The following SPHKAP variants were observed in gnomAD, a reference collection of about 807,000 sequenced individuals.
The protein encoded by SPHKAP is SPHK1 interactor, AKAP domain containing.
A neutral mutation model predicts 137.5 loss-of-function variants in SPHKAP; 67 were observed. That is an observed-to-expected ratio of 0.49 (90% confidence interval 0.40 to 0.60). The LOEUF is 0.60. Among genes scored for constraint, SPHKAP ranks in the 20% least tolerant of loss-of-function variants. The pLI is 0.00. For missense variants in SPHKAP, 2,097 were observed against 2,069.3 expected, an observed-to-expected ratio of 1.01 and a Z score of -0.26; for synonymous variants, 813 against 785.3, an observed-to-expected ratio of 1.04 and a Z score of -0.59.
chr2:228,042,540 T>C (rs1184023138), intron 3 of SPHKAP, among the ~76,000 whole-genome samples: 3 of 152,146 alleles, frequency 2.0e-5, no homozygotes, highest in African/African-American at 7.2e-5. Flanking sequence ...TAGGCAACTA[T>C]TAATCTACTT....
chr2:228,127,238 C>G (rs191900792), intron 2 of SPHKAP, among the ~76,000 whole-genome samples: 62 of 152,306 alleles, frequency 4.1e-4, no homozygotes, highest in African/African-American at 1.4e-3. Context: ...ATTTAACACA[C>G]AGACCTTCAC....
In SPHKAP at chr2:228,016,641, T is replaced by C. The variant is rs1406939200; in HGVS notation, c.4213A>G (p.Thr1405Ala). ...NHSPLDSKKE[T>A]SSCQDPVPIN... ...GGTACAGGGTCCTGGCACGAGGAAG[T>C]TTCTTTTTTAGAATCTAAAGGGCTG... The change falls in exon 7 of 12, where the codon ACT (threonine) becomes GCT (alanine). Residue 1405 changes from threonine (T) to alanine (A), a missense_variant. Coordinates refer to ENST00000392056, the MANE Select transcript of SPHKAP (RefSeq NM_001142644.2). The C allele has an allele frequency of 1.9e-6, 3 of 1,613,620 alleles. No individual in the cohort carries two copies. Among genetic ancestry groups the C allele is most frequent in the Non-Finnish European group, 2.5e-6 (3 of 1,179,914 alleles).
At chr2:228,045,664 G>A (rs1392547158) in intron 3 of SPHKAP, among the ~76,000 whole-genome samples, 1 of 151,572 alleles carries the variant, frequency 6.6e-6, no homozygotes, top group Non-Finnish European at 1.5e-5. Context: ...CGAGTTAATG[G>A]GTGCAGCACA....
chr2:228,089,670 C>A (rs1352668922), intron 3 of SPHKAP, among the ~76,000 whole-genome samples: 1 of 152,208 alleles, frequency 6.6e-6, no homozygotes, highest in East Asian at 1.9e-4. Flanking sequence ...GGGGCAGGCA[C>A]AGGGCACCAC....
intron 3 of SPHKAP, among the ~76,000 whole-genome samples, chr2:228,042,331 A>G (rs924567973): frequency 2.0e-5 from 3 of 152,166 alleles, no homozygotes; most frequent in African/African-American, 7.2e-5. Context: ...TATTTACTCA[A>G]TTATTTATCA....
At chr2:228,064,810 A>G (rs1696775004) in intron 3 of SPHKAP, among the ~76,000 whole-genome samples, 1 of 152,234 alleles carries the variant, frequency 6.6e-6, no homozygotes, top group Non-Finnish European at 1.5e-5. Flanking sequence ...ACTATAGTAG[A>G]TGAAGAAAGA....
At chr2:228,085,957 G>A (rs1356485104) in intron 3 of SPHKAP, among the ~76,000 whole-genome samples, 1 of 152,060 alleles carries the variant, frequency 6.6e-6, no homozygotes, top group Non-Finnish European at 1.5e-5. Context: ...AAATGCTAAA[G>A]GATATTACAC....
intron 11 of SPHKAP, 178 bp from the exon 12 acceptor site, chr2:227,982,038 C>T (rs1693015125): frequency 1.0e-6 from 1 of 967,804 alleles, no homozygotes; most frequent in African/African-American, 1.9e-5. Context: ...TATTACCGAA[C>T]TTCATCAAGT....
intron 1 of SPHKAP, among the ~76,000 whole-genome samples, chr2:228,159,265 T>C (rs1343841638): frequency 6.6e-6 from 1 of 152,164 alleles, no homozygotes; most frequent in Admixed American, 6.6e-5. Context: ...ATTTCTTAAA[T>C]AGGAAATGGA....
chr2:228,060,388 C>T (rs1012824115), intron 3 of SPHKAP, among the ~76,000 whole-genome samples: 4 of 152,128 alleles, frequency 2.6e-5, no homozygotes, highest in Non-Finnish European at 2.9e-5. Flanking sequence ...AATAATCACA[C>T]GGGTTCTTTT....
intron 3 of SPHKAP, among the ~76,000 whole-genome samples, chr2:228,063,493 C>A (rs1002066246): frequency 2.0e-4 from 30 of 152,160 alleles, no homozygotes; most frequent in Admixed American, 1.5e-3. Context: ...CTACATTTTG[C>A]AACAATGTAG....
At chr2:228,046,032 T>C (rs968052750) in intron 3 of SPHKAP, among the ~76,000 whole-genome samples, 3 of 152,090 alleles carry the variant, frequency 2.0e-5, no homozygotes, top group African/African-American at 7.2e-5. Context: ...TATTGTTTAC[T>C]TGAATTTTGA....
chr2:228,074,562 C>A (rs945913215), intron 3 of SPHKAP, among the ~76,000 whole-genome samples: 7 of 152,094 alleles, frequency 4.6e-5, no homozygotes, highest in Non-Finnish European at 8.8e-5. Flanking sequence ...GAGGAAAACA[C>A]CCCCATGATT....
At chr2:228,033,256 C>A (rs1182669553) in intron 3 of SPHKAP, among the ~76,000 whole-genome samples, 1 of 152,070 alleles carries the variant, frequency 6.6e-6, no homozygotes, top group Non-Finnish European at 1.5e-5. Context: ...AGACTTTAAA[C>A]TAACAAAGAT....
intron 3 of SPHKAP, among the ~76,000 whole-genome samples, chr2:228,090,467 G>GCTGAAATGAGTTGAGACTTTTGGGGA (rs1697690295): frequency 6.6e-6 from 1 of 152,176 alleles, no homozygotes; most frequent in African/African-American, 2.4e-5. Context: ...TCGAGTTGAT[G>GCTGAAATGAGTTGAGACTTTTGGGGA]CTGAAATGAG....
chr2:228,092,184 T>C (rs1697772897), intron 3 of SPHKAP, among the ~76,000 whole-genome samples: 1 of 142,230 alleles, frequency 7.0e-6, no homozygotes, highest in African/African-American at 2.6e-5. Context: ...CACATGTGTG[T>C]ACATGCATAC....
rs565527941 is a variant in SPHKAP, at chr2:228,138,325, G to T, written c.33-6240C>A. Among the ~76,000 whole-genome samples, 3 of 152,320 alleles carry T rather than the reference G, an allele frequency of 2.0e-5. No individual in the cohort carries two copies. In the South Asian group the frequency reaches 6.2e-4, roughly 32 times the overall value. ...CTTGCTGTATTAGGAGTTAACCTCA[G>T]TTCTGCACCGACAGCTCTCACTCCT... On this transcript the variant is annotated intron_variant, in intron 1 of 11. Transcript: ENST00000392056.
At chr2:228,119,456 T>TACACACACAC (rs55846474) in intron 2 of SPHKAP, among the ~76,000 whole-genome samples, 1 of 137,430 alleles carries the variant, frequency 7.3e-6, no homozygotes, top group Non-Finnish European at 1.6e-5. Flanking sequence ...AAGCCTAGTA[T>TACACACACAC]ACACACACAC....
chr2:228,069,449 C>CT (rs11346938), intron 3 of SPHKAP, among the ~76,000 whole-genome samples: 14,250 of 128,014 alleles, frequency 0.11, 836 homozygotes, highest in South Asian at 0.13. Flanking sequence ...TTCTTTCTTT[C>CT]TTTTTTTTTT....
Sources: gnomAD v4.1 joint callset for allele counts (sites outside exome capture counted in the v4.1 genomes callset) on GRCh38, gnomAD v4.1.1 for gene constraint, MANE v1.5 for transcripts, NCBI Gene and HGNC (gene_info 2026-07-23, HGNC 2026-07-21) for gene names.